The following MTRR variants were observed in gnomAD, a reference collection of about 807,000 sequenced individuals.
MTRR encodes the protein methionine synthase reductase.
In MTRR, 63 loss-of-function variants were observed where a neutral mutation model predicts 79.2. That is an observed-to-expected ratio of 0.80 (90% CI 0.65 to 0.98). MTRR has a LOEUF of 0.98. Ranked by LOEUF, MTRR falls within the 50% of genes least tolerant of loss-of-function variation. The probability of loss-of-function intolerance (pLI) is 0.00; values close to 1 mark genes in which losing one functional copy is unlikely to be tolerated. For missense variants in MTRR, 895 were observed against 839.6 expected, an observed-to-expected ratio of 1.07 and a Z score of -0.82; for synonymous variants, 355 against 313.3, an observed-to-expected ratio of 1.13 and a Z score of -1.41.
intron 5 of MTRR, 143 bp from the exon 6 acceptor site, chr5:7,883,012 T>C (rs1428089858): frequency 1.0e-6 from 1 of 987,444 alleles, no homozygotes; most frequent in East Asian, 2.5e-5. Context: ...GCTCCATATA[T>C]CTGCCCTCAT....
intron 4 of MTRR, among the ~76,000 whole-genome samples, chr5:7,877,346 CT>C (rs1734736477): frequency 6.6e-6 from 1 of 150,956 alleles, no homozygotes; most frequent in African/African-American, 2.4e-5. Flanking sequence ...TTTTTTTCTC[CT>C]GTTGTCAGCC....
At chr5:7,867,115 C>G, upstream of MTRR, 1 of 1,614,150 alleles carries the variant, frequency 6.2e-7, no homozygotes. Context: ...GGACATGCCT[C>G]ACGACATATT....
intron 1 of MTRR, among the ~76,000 whole-genome samples, chr5:7,854,528 A>T (rs997695774): frequency 3.9e-5 from 6 of 152,160 alleles, no homozygotes; most frequent in African/African-American, 1.4e-4. Flanking sequence ...CCTCAGAATC[A>T]TGGCAGGAGA....
chr5:7,899,901 T>C lies in MTRR; in HGVS notation c.1953-13T>C. ...CTGTTTGTAAGCAGTCATCTTATTA[T>C]TTTCTTTTCTAGAGATGCAAAGAAT... On this transcript the variant is annotated splice_polypyrimidine_tract_variant and intron_variant, in intron 14 of 14. Transcript: ENST00000440940. The C allele has an allele frequency of 6.2e-7, 1 of 1,614,184 alleles. No individual in the cohort carries two copies. The highest frequency in any genetic ancestry group is 8.5e-7 in the Non-Finnish European group (1 of 1,180,020).
At chr5:7,852,266 A>G (rs1449119913) in intron 1 of MTRR, among the ~76,000 whole-genome samples, 1 of 152,292 alleles carries the variant, frequency 6.6e-6, no homozygotes, top group Admixed American at 6.5e-5. Context: ...GTGGCTTAAG[A>G]TGCCTCTCTC....
chr5:7,871,348 G>A (rs1238020640), intron 2 of MTRR, among the ~76,000 whole-genome samples: 8 of 152,180 alleles, frequency 5.3e-5, no homozygotes, highest in Non-Finnish European at 1.0e-4. Flanking sequence ...AGATTCTTTT[G>A]TGAAATAGAA....
At chr5:7,851,311 AT>A (rs1746074228) in exon 1 of MTRR, 1 of 331,698 alleles carries the variant, frequency 3.0e-6, no homozygotes. Flanking sequence ...GGGACTACCC[AT>A]TTCCAGCCCG....
At chr5:7,888,713 G>T (rs1390347063) in intron 8 of MTRR, among the ~76,000 whole-genome samples, 1 of 152,194 alleles carries the variant, frequency 6.6e-6, no homozygotes, top group East Asian at 1.9e-4. Context: ...AACATTTGAT[G>T]CAGATAATTA....
intron 9 of MTRR, among the ~76,000 whole-genome samples, chr5:7,890,791 A>G (rs1214782518): frequency 6.6e-6 from 1 of 152,210 alleles, no homozygotes; most frequent in Non-Finnish European, 1.5e-5. Flanking sequence ...AATACAGATT[A>G]TTTAACCTGC....
intron 5 of MTRR, among the ~76,000 whole-genome samples, chr5:7,881,613 G>A (rs1735613310): frequency 6.6e-6 from 1 of 152,090 alleles, no homozygotes; most frequent in Non-Finnish European, 1.5e-5. Flanking sequence ...TTCCCAGTTA[G>A]TCCTTGGCTT....
intron 3 of MTRR, among the ~76,000 whole-genome samples, chr5:7,874,689 G>A (rs2126671584): frequency 6.7e-6 from 1 of 148,212 alleles, no homozygotes; most frequent in South Asian, 2.1e-4. Context: ...TTATTTATAT[G>A]GCTGGTGTAC....
upstream of MTRR, chr5:7,866,648 T>C: frequency 6.3e-7 from 1 of 1,575,166 alleles, no homozygotes; most frequent in East Asian, 2.2e-5. Flanking sequence ...CAACTCACCT[T>C]GCAGCCGTTG....
chr5:7,859,445 A>G (rs377149630), intron 1 of MTRR: 5 of 1,593,930 alleles, frequency 3.1e-6, no homozygotes, highest in Non-Finnish European at 4.3e-6. Flanking sequence ...TCATTCTTGC[A>G]ACCAATGAAC....
At chr5:7,854,629 C>T (rs922103231) in intron 1 of MTRR, among the ~76,000 whole-genome samples, 11 of 152,172 alleles carry the variant, frequency 7.2e-5, no homozygotes, top group Non-Finnish European at 1.0e-4. Context: ...TCTCATGAGA[C>T]TTATTCCCTA....
At chr5:7,889,683 A>T (rs1217058497) in intron 9 of MTRR, among the ~76,000 whole-genome samples, 1 of 152,140 alleles carries the variant, frequency 6.6e-6, no homozygotes, top group African/African-American at 2.4e-5. Flanking sequence ...TTCTTTTTCA[A>T]AGCTAACGAA....
chr5:7,874,121 G>A (rs1347725957), intron 3 of MTRR, among the ~76,000 whole-genome samples: 2 of 151,986 alleles, frequency 1.3e-5, no homozygotes, highest in African/African-American at 2.4e-5. Context: ...AAGAAAAACT[G>A]ACTTAGGACT....
intron 14 of MTRR, among the ~76,000 whole-genome samples, chr5:7,899,536 C>G (rs1739129740): frequency 6.6e-6 from 1 of 152,164 alleles, no homozygotes; most frequent in East Asian, 1.9e-4. Context: ...TGGTTCCCTT[C>G]AGGAGCACGA....
intron 13 of MTRR, 39 bp downstream of exon 13, chr5:7,896,995 G>A: frequency 6.2e-7 from 1 of 1,611,062 alleles, no homozygotes. Flanking sequence ...ACCACTGAGT[G>A]TACAATTCTA....
Position 7,900,274 on chromosome 5 carries a change from T to C in MTRR, c.*216T>C. 1.8e-6 allele frequency: 1 copy of C among 562,458 alleles called. No individual in the cohort carries two copies. Among genetic ancestry groups the C allele is most frequent in the Non-Finnish European group, 3.0e-6 (1 of 328,170 alleles). 34.8% of individuals were successfully genotyped at this position (562,458 alleles called of 1,614,324 possible). On this transcript the variant is annotated 3_prime_UTR_variant, in exon 15 of 15. Transcript: ENST00000440940. ...TACGCCCTTCCTGTGCCTGTGACTC[T>C]CCCCAAATTGCCCTGTTGCCTTGAG...
Sources: gnomAD v4.1 joint callset for allele counts (sites outside exome capture counted in the v4.1 genomes callset) on GRCh38, gnomAD v4.1.1 for gene constraint, MANE v1.5 for transcripts, NCBI Gene and HGNC (gene_info 2026-07-23, HGNC 2026-07-21) for gene names.